XRCC4: variants seen among roughly 807,000 people sequenced by gnomAD.
XRCC4 encodes DNA repair protein XRCC4.
In XRCC4, 28 loss-of-function variants were observed where a neutral mutation model predicts 39.1. The observed-to-expected ratio is 0.72, with a 90% CI of 0.53 to 0.98. The LOEUF (loss-of-function observed/expected upper bound fraction) is 0.98. Among genes scored for constraint, XRCC4 ranks in the 50% least tolerant of loss-of-function variants. The pLI is 0.00. For missense variants in XRCC4, 350 were observed against 376.4 expected (o/e 0.93, Z 0.58); for synonymous variants, 123 against 126.4 (o/e 0.97, Z 0.18).
At chr5:83,282,001 G>T (rs972861834) in intron 7 of XRCC4, among the ~76,000 whole-genome samples, 1 of 152,140 alleles carries the variant, frequency 6.6e-6, no homozygotes, top group African/African-American at 2.4e-5. Flanking sequence ...AGGAAATATT[G>T]GTGCTTCAAG....
chr5:83,264,266 G>A lies in XRCC4; in HGVS notation c.893+5589G>A, dbSNP rs575950120. On this transcript the variant is annotated intron_variant, in intron 7 of 7. Transcript: ENST00000396027. ...AACCAAAGTGACTATATCTATTAAA[G>A]CTTTTCAGGGTCCTAAAGAGCTCAT... Among the ~76,000 whole-genome samples the A allele has an allele frequency of 4.6e-5, 7 of 152,162 alleles. No individual in the cohort carries two copies. The East Asian group carries it at 1.4e-3, about 29-fold the overall frequency.
intron 7 of XRCC4, among the ~76,000 whole-genome samples, chr5:83,270,734 A>G (rs1277715452): frequency 1.3e-5 from 2 of 151,116 alleles, no homozygotes; most frequent in African/African-American, 4.9e-5. Context: ...TCCTGAAACA[A>G]ATTGTGGGAT....
chr5:83,356,866 G>T (rs1294429188), downstream of XRCC4: 5 of 316,708 alleles, frequency 1.6e-5, no homozygotes, highest in East Asian at 4.5e-4. Flanking sequence ...ATCTTAAAAT[G>T]TATAATTTTT....
intron 3 of XRCC4, among the ~76,000 whole-genome samples, chr5:83,184,772 C>A (rs1750361541): frequency 6.6e-6 from 1 of 152,034 alleles, no homozygotes; most frequent in Admixed American, 6.6e-5. Flanking sequence ...CTTTCATAGG[C>A]ACTCTGGAAT....
At chr5:83,193,951 C>T (rs781388150) in intron 3 of XRCC4, among the ~76,000 whole-genome samples, 17 of 150,876 alleles carry the variant, frequency 1.1e-4, no homozygotes, top group Non-Finnish European at 2.1e-4. Flanking sequence ...TTGTTGTTTT[C>T]GAGACTGAGT....
intron 3 of XRCC4, among the ~76,000 whole-genome samples, chr5:83,165,553 G>A (rs576777767): frequency 6.6e-6 from 1 of 151,960 alleles, no homozygotes; most frequent in Non-Finnish European, 1.5e-5. Context: ...ATGGGGTTTT[G>A]TTGTACAGAT....
At chr5:83,370,539 T>G in the XRCC4 span, among the ~76,000 whole-genome samples, 1 of 152,176 alleles carries the variant, frequency 6.6e-6, no homozygotes, top group African/African-American at 2.4e-5. Flanking sequence ...CTGTCCAAGT[T>G]GTTTCTGCTT....
At chr5:83,321,286 A>T (rs1335116107) in intron 7 of XRCC4, among the ~76,000 whole-genome samples, 2 of 152,150 alleles carry the variant, frequency 1.3e-5, no homozygotes, top group Admixed American at 1.3e-4. Context: ...TTCACTAAAT[A>T]ATAGTTTTGA....
chr5:83,331,049 C>G (rs537523536), intron 7 of XRCC4, among the ~76,000 whole-genome samples: 28 of 152,154 alleles, frequency 1.8e-4, no homozygotes, highest in African/African-American at 6.7e-4. Context: ...TAGGTAGATG[C>G]AATACTCTAG....
chr5:83,245,016 A>G (rs1580417876), intron 6 of XRCC4, among the ~76,000 whole-genome samples: 1 of 152,192 alleles, frequency 6.6e-6, no homozygotes, highest in African/African-American at 2.4e-5. Flanking sequence ...TAAAAGATAA[A>G]TCACACCAGC....
chr5:83,135,643 T>C (rs1747861173), intron 3 of XRCC4, among the ~76,000 whole-genome samples: 1 of 152,102 alleles, frequency 6.6e-6, no homozygotes, highest in South Asian at 2.1e-4. Flanking sequence ...TTCCTGTGTT[T>C]TGTTTTGGAT....
downstream of XRCC4, among the ~76,000 whole-genome samples, chr5:83,355,365 C>T (rs1449331685): frequency 6.6e-6 from 1 of 152,142 alleles, no homozygotes; most frequent in African/African-American, 2.4e-5. Flanking sequence ...TAAGCCCTAT[C>T]ACAGCAGAAA....
chr5:83,254,669 C>T (rs1030629252), intron 6 of XRCC4, among the ~76,000 whole-genome samples: 9 of 151,968 alleles, frequency 5.9e-5, no homozygotes, highest in African/African-American at 4.8e-5. Flanking sequence ...ATTTGGAGAC[C>T]GACAGTCATT....
At chr5:83,220,124 G>A (rs955637834) in intron 6 of XRCC4, among the ~76,000 whole-genome samples, 3 of 151,964 alleles carry the variant, frequency 2.0e-5, no homozygotes, top group African/African-American at 7.2e-5. Context: ...AAAGGCAAAA[G>A]GTATTGTACT....
At chr5:83,349,655 T>A (rs1238301129) in intron 7 of XRCC4, among the ~76,000 whole-genome samples, 1 of 152,236 alleles carries the variant, frequency 6.6e-6, no homozygotes, top group African/African-American at 2.4e-5. Context: ...CCTTTGGTCA[T>A]ATGCTGATTT....
intron 3 of XRCC4, among the ~76,000 whole-genome samples, chr5:83,125,127 G>A (rs1561343814): frequency 6.6e-6 from 1 of 152,188 alleles, no homozygotes; most frequent in East Asian, 1.9e-4. Flanking sequence ...TGCCATCTCT[G>A]TATCCCATTT....
intron 3 of XRCC4, among the ~76,000 whole-genome samples, chr5:83,194,035 C>T (rs1025149228): frequency 2.0e-5 from 3 of 152,106 alleles, no homozygotes; most frequent in Non-Finnish European, 4.4e-5. Context: ...GCGGTTCAAG[C>T]GATCCTTGTG....
rs528372104 is a variant in XRCC4 at position 83,344,963 on chromosome 5, C to G, written c.894-8168C>G. Among the ~76,000 whole-genome samples the G allele has an allele frequency of 3.3e-5, 5 of 152,260 alleles. No individual in the cohort carries two copies. In the East Asian group the frequency reaches 9.7e-4, roughly 29 times the overall value. ...TGCTAATCTGGTGTAAAATATTTCA[C>G]ACTGGCTTTAATTTGCATTTCCTTG... is the stretch of plus-strand genomic sequence containing the variant. On this transcript the variant is annotated intron_variant, in intron 7 of 7. Coordinates refer to ENST00000396027, the MANE Select transcript of XRCC4 (RefSeq NM_003401.5).
intron 3 of XRCC4, among the ~76,000 whole-genome samples, chr5:83,132,490 C>G (rs1437498861): frequency 6.6e-6 from 1 of 151,912 alleles, no homozygotes; most frequent in African/African-American, 2.4e-5. Context: ...CAACTTGGTT[C>G]CATTCTCCCT....
Sources: gnomAD v4.1 joint callset for allele counts (sites outside exome capture counted in the v4.1 genomes callset) on GRCh38, gnomAD v4.1.1 for gene constraint, MANE v1.5 for transcripts, NCBI Gene and HGNC (gene_info 2026-07-23, HGNC 2026-07-21) for gene names.